The following RNF169 variants were observed in gnomAD, a reference collection of about 807,000 sequenced individuals.
The protein encoded by RNF169 is E3 ubiquitin-protein ligase RNF169.
A neutral mutation model predicts 53.9 loss-of-function variants in RNF169; 24 were observed. That is an observed-to-expected ratio of 0.45 (90% CI 0.32 to 0.63). RNF169 has a LOEUF of 0.63. Ranked by LOEUF, RNF169 falls within the 20% of genes least tolerant of loss-of-function variation. The pLI is 0.04. For synonymous variants in RNF169, 396 were observed against 363.5 expected, an observed-to-expected ratio of 1.09 and a Z score of -1.02; for missense variants, 883 against 906.2, an observed-to-expected ratio of 0.97 and a Z score of 0.33.
At chr11:74,794,819 G>A (rs1236805481) in intron 2 of RNF169, among the ~76,000 whole-genome samples, 1 of 152,164 alleles carries the variant, frequency 6.6e-6, no homozygotes, top group African/African-American at 2.4e-5. Flanking sequence ...TGTTTGAAGA[G>A]AGATATTCTC....
At chr11:74,822,235 A>G (rs2036022907) in intron 4 of RNF169, among the ~76,000 whole-genome samples, 1 of 152,252 alleles carries the variant, frequency 6.6e-6, no homozygotes, top group South Asian at 2.1e-4. Flanking sequence ...TTGAGCGCAT[A>G]AGCTGTCTAA....
chr11:74,782,546 CCAGT>C (rs2035431129), intron 1 of RNF169, among the ~76,000 whole-genome samples: 1 of 152,146 alleles, frequency 6.6e-6, no homozygotes. Flanking sequence ...AACCCCTACA[CCAGT>C]CAGTGGAAAA....
chr11:74,796,062 T>C (rs2035645069), intron 2 of RNF169, among the ~76,000 whole-genome samples: 1 of 152,266 alleles, frequency 6.6e-6, no homozygotes, highest in African/African-American at 2.4e-5. Flanking sequence ...CCTTGATTAC[T>C]ACAGAGCAGT....
intron 1 of RNF169, among the ~76,000 whole-genome samples, chr11:74,778,817 G>C (rs528219691): frequency 6.6e-6 from 1 of 152,306 alleles, no homozygotes; most frequent in East Asian, 1.9e-4. Context: ...ATGAATTTCT[G>C]AGTTGGCCAC....
rs375069277 is a variant in RNF169 at position 74,836,557 on chromosome 11, A to G, written c.1954A>G (p.Thr652Ala). The G allele has an allele frequency of 1.1e-5, 18 of 1,614,038 alleles. No homozygotes were observed. Among genetic ancestry groups the G allele is most frequent in the African/African-American group, 1.1e-4 (8 of 74,938 alleles). Residue 652 changes from threonine (T) to alanine (A), a missense_variant, in exon 6 of 6, where the codon ACA becomes GCA. By Grantham distance (58) the Thr-to-Ala change is moderately conservative. This residue lies in a region of RNF169 where 351 missense variants were observed against 337.3 expected (regional missense o/e 1.04). Coordinates refer to ENST00000299563, the MANE Select transcript of RNF169 (RefSeq NM_001098638.2). ...CAGTGGGGAGGTGGGTCTGGCCCCA[A>G]CAGACCCAGTCCTGCGAGAGATGGA... ...QTSGEVGLAPTDPVLREMEQK... is the reference protein window; with the variant it reads ...QTSGEVGLAPADPVLREMEQK...
At chr11:74,772,439 T>G (rs2035273356) in intron 1 of RNF169, among the ~76,000 whole-genome samples, 2 of 151,452 alleles carry the variant, frequency 1.3e-5, no homozygotes. Flanking sequence ...ACTTAATCCT[T>G]CAGTAAATGT....
rs755088175 is a variant in RNF169, at chr11:74,836,443, C to A, written c.1840C>A (p.Pro614Thr). 74 of 1,614,184 alleles carry A rather than the reference C, an allele frequency of 4.6e-5. No homozygotes were observed. Among genetic ancestry groups the A allele is most frequent in the Non-Finnish European group, 6.0e-5 (71 of 1,180,030 alleles). The change falls in exon 6 of 6, where the codon CCA becomes ACA. Residue 614 changes from proline (P) to threonine (T), a missense_variant. Pro to Thr is a conservative substitution (Grantham distance 38). Around this residue, in one of 3 missense-constraint regions of RNF169, gnomAD observed 351 missense variants for 337.3 expected, o/e 1.04. Coordinates refer to ENST00000299563, the MANE Select transcript of RNF169 (RefSeq NM_001098638.2). ...TCTAGTTGAGAGCCTAAGTGAAGAG[C>A]CACTTCCTTCTTTGCGTCGAGGCCG... is the stretch of plus-strand genomic sequence containing the variant. ...GVLVESLSEE[P>T]LPSLRRGRKR...
chr11:74,791,493 T>A (rs1340613346), intron 2 of RNF169, among the ~76,000 whole-genome samples: 1 of 152,216 alleles, frequency 6.6e-6, no homozygotes, highest in Non-Finnish European at 1.5e-5. Context: ...TGTGCCAAGC[T>A]GCTCTCAGCA....
At chr11:74,762,243 G>GT (rs2035096726) in intron 1 of RNF169, among the ~76,000 whole-genome samples, 1 of 149,360 alleles carries the variant, frequency 6.7e-6, no homozygotes, top group Admixed American at 6.7e-5. Context: ...TTTGCCTTTG[G>GT]TTTGAATGTC....
At chr11:74,801,342 A>G (rs2035726399) in intron 2 of RNF169, among the ~76,000 whole-genome samples, 1 of 152,350 alleles carries the variant, frequency 6.6e-6, no homozygotes, top group South Asian at 2.1e-4. Flanking sequence ...TGTGGACAGC[A>G]TCAGCAATAG....
At chr11:74,766,182 T>G (rs1455903873) in intron 1 of RNF169, among the ~76,000 whole-genome samples, 1 of 152,222 alleles carries the variant, frequency 6.6e-6, no homozygotes, top group Admixed American at 6.5e-5. Flanking sequence ...ACATGGCAGC[T>G]GACTCAAGAA....
chr11:74,780,080 C>T (rs1029311826), intron 1 of RNF169, among the ~76,000 whole-genome samples: 2 of 152,178 alleles, frequency 1.3e-5, no homozygotes, highest in Admixed American at 1.3e-4. Flanking sequence ...TCATTGCCTG[C>T]CTTTCGCTGT....
At chr11:74,768,862 T>C (rs2035216327) in intron 1 of RNF169, among the ~76,000 whole-genome samples, 1 of 151,678 alleles carries the variant, frequency 6.6e-6, no homozygotes, top group Non-Finnish European at 1.5e-5. Context: ...CTGGGCAACA[T>C]AGGGAGACCT....
At chr11:74,813,968 G>T (rs868387531) in intron 3 of RNF169, among the ~76,000 whole-genome samples, 42 of 152,216 alleles carry the variant, frequency 2.8e-4, no homozygotes, top group Middle Eastern at 3.4e-3. Context: ...GGGATTACAG[G>T]CATGAGCCAC....
chr11:74,829,035 CTG>C (rs1437761192), intron 4 of RNF169, among the ~76,000 whole-genome samples: 2 of 152,204 alleles, frequency 1.3e-5, no homozygotes, highest in African/African-American at 4.8e-5. Context: ...GCAAAAGAAA[CTG>C]TCATCAGAGT....
Position 74,789,663 on chromosome 11 carries a change from T to C in RNF169, c.540T>C (p.Pro180=). 6.2e-7 allele frequency: 1 copy of C among 1,609,616 alleles called. No homozygotes were observed. The highest frequency in any genetic ancestry group is 8.5e-7 in the Non-Finnish European group (1 of 1,176,396). The change falls in exon 2 of 6, where the codon CCT becomes CCC. Residue 180 remains proline (P), a synonymous_variant. Transcript: ENST00000299563. ...GAGCACCAATCAAATTAAGCAAGCC[T>C]GGGGAACTTCGTGAGGAATATGAAA... The part of the protein sequence containing the change: ...IFRAPIKLSK[P]GELREEYESL...
chr11:74,826,001 A>G (rs765884832), intron 4 of RNF169, among the ~76,000 whole-genome samples: 4 of 152,190 alleles, frequency 2.6e-5, no homozygotes, highest in Non-Finnish European at 5.9e-5. Flanking sequence ...GAGTGAGTGA[A>G]TGAATGAAGG....
chr11:74,783,107 G>A (rs2035441339), intron 1 of RNF169, among the ~76,000 whole-genome samples: 7 of 152,030 alleles, frequency 4.6e-5, no homozygotes, highest in Admixed American at 4.6e-4. Flanking sequence ...TTGAGTTTTT[G>A]GGATAGCATC....
chr11:74,762,017 T>C (rs1380585045), intron 1 of RNF169, among the ~76,000 whole-genome samples: 1 of 141,552 alleles, frequency 7.1e-6, no homozygotes, highest in Non-Finnish European at 1.5e-5. Flanking sequence ...TTATTCTTTT[T>C]TCTCTAAACT....
Sources: allele counts gnomAD v4.1 joint callset (sites outside exome capture counted in the v4.1 genomes callset), GRCh38; gene constraint gnomAD v4.1.1; regional missense constraint gnomAD v4.1.1; transcripts MANE v1.5; gene names NCBI Gene and HGNC (gene_info 2026-07-23, HGNC 2026-07-21).